Variants in SLC45A1 observed in about 807,000 individuals in gnomAD.
SLC45A1 encodes solute carrier family 45 member 1.
In SLC45A1, 28 loss-of-function variants were observed where a neutral mutation model predicts 57.6. The observed-to-expected ratio is 0.49, with a 90% confidence interval of 0.36 to 0.67. SLC45A1 has a LOEUF of 0.67. SLC45A1 is among the 30% of genes least tolerant of loss of function. The pLI is 0.00. For synonymous variants in SLC45A1, 459 were observed against 471.5 expected (o/e 0.97, Z 0.34); for missense variants, 814 against 1,041.5 (o/e 0.78, Z 3.01).
chr1:8,343,899 C>G lies in SLC45A1; in HGVS notation c.2133C>G (p.Phe711Leu), dbSNP rs1300401134. ...AVGSANGVMY[F>L]SSLVSFLGCL... ...GCAGTGCCAACGGGGTGATGTACTTCTCCAGCCTCGTGTCCTTCCTGGGCT... is the reference window on the plus strand; with the variant it reads ...GCAGTGCCAACGGGGTGATGTACTTGTCCAGCCTCGTGTCCTTCCTGGGCT... The change falls in exon 9 of 9, where the codon TTC becomes TTG. Residue 711 changes from phenylalanine (F) to leucine (L), a missense_variant. Transcript: ENST00000471889. The surrounding 1 kb of genome is among the most constrained non-coding windows in gnomAD (Gnocchi z 7.7). 2 of 1,614,062 alleles carry G rather than the reference C, an allele frequency of 1.2e-6. No homozygotes were observed. Among genetic ancestry groups the G allele is most frequent in the East Asian group, 2.2e-5 (1 of 44,878 alleles).
chr1:8,322,182 G>T (rs1331062674), intron 1 of SLC45A1, among the ~76,000 whole-genome samples: 1 of 65,166 alleles, frequency 1.5e-5, no homozygotes, highest in Non-Finnish European at 3.4e-5. Flanking sequence ...TGGGTGGGTG[G>T]ATGGATGGAT....
intron 7 of SLC45A1, among the ~76,000 whole-genome samples, chr1:8,339,141 A>G (rs1269733308): frequency 2.6e-5 from 4 of 152,168 alleles, no homozygotes; most frequent in Non-Finnish European, 5.9e-5. Context: ...ACACAAGAAC[A>G]CAGAGGTTTA....
chr1:8,325,380 C>G lies in SLC45A1; in HGVS notation c.480C>G (p.Val160=), dbSNP rs763108068. Residue 160 remains valine, a synonymous_variant, in exon 3 of 9, where the codon GTC becomes GTG. Transcript: ENST00000471889. The surrounding 1 kb of genome is among the most constrained non-coding windows in gnomAD (Gnocchi z 6.3). The stretch of plus-strand genomic sequence containing the variant: ...GAAGGAGACGCCCTTTCATTCTTGT[C>G]CTGGCTATAGGTCTGTTGTTTTGGC... ...RFGRRRPFIL[V]LAIGALLGLS... is the part of the protein sequence containing the mutation. 1.2e-5 allele frequency: 20 copies of G among 1,608,320 alleles called. No individual in the cohort carries two copies. Among genetic ancestry groups the G allele is most frequent in the Non-Finnish European group, 1.7e-5 (20 of 1,175,246 alleles).
rs188992574 is a variant in SLC45A1, at chr1:8,329,132, G to A, written c.716-1077G>A. ...AAAGGAAGATCTACAGTGAAACCTC[G>A]AAATAATGAGATCCATGGTCATACG... is the stretch of plus-strand genomic sequence containing the variant. On this transcript the variant is annotated intron_variant, in intron 4 of 8. Coordinates refer to ENST00000471889, the MANE Select transcript of SLC45A1 (RefSeq NM_001080397.3). Among the ~76,000 whole-genome samples the A allele has an allele frequency of 1.1e-4, 16 of 152,292 alleles. No homozygotes were observed. The East Asian group carries it at 2.7e-3, about 26-fold the overall frequency.
rs532798923 is a variant in SLC45A1 at position 8,324,659 on chromosome 1, G to A, written c.330G>A (p.Pro110=). ...CCATGGAGACGGCGTACGTGACCCC[G>A]GTGCTCCTGCAGATGGGCCTGCCCG... ...SYAMETAYVT[P]VLLQMGLPDQ... is the part of the protein sequence containing the mutation. Residue 110 remains proline, a synonymous_variant, in exon 2 of 9, where the codon CCG becomes CCA. Transcript: ENST00000471889. The A allele has an allele frequency of 7.5e-6, 12 of 1,599,414 alleles. No individual in the cohort carries two copies. The highest frequency in any genetic ancestry group is 2.7e-5 in the African/African-American group (2 of 74,638).
chr1:8,320,730 CACA>C (rs1639986537), intron 1 of SLC45A1, among the ~76,000 whole-genome samples: 2 of 132,266 alleles, frequency 1.5e-5, no homozygotes, highest in Non-Finnish European at 1.6e-5. Flanking sequence ...CACACACACA[CACA>C]CCTGCCATAT....
intron 5 of SLC45A1, among the ~76,000 whole-genome samples, chr1:8,332,105 A>G (rs551891536): frequency 6.6e-6 from 1 of 152,242 alleles, no homozygotes; most frequent in East Asian, 1.9e-4. Context: ...AACTCTTTTA[A>G]ACACTTACGT....
chr1:8,337,379 C>G (rs1640647660), intron 6 of SLC45A1, among the ~76,000 whole-genome samples: 2 of 152,206 alleles, frequency 1.3e-5, no homozygotes, highest in African/African-American at 4.8e-5. Context: ...TGGGTGGGGA[C>G]ACAGCCAAAC....
In SLC45A1 at chr1:8,327,436, C is replaced by T. The variant is rs183204502; in HGVS notation, c.715+1394C>T. 1.2e-4 allele frequency among the ~76,000 whole-genome samples: 18 copies of T among 152,244 alleles called. 1 individual carries two copies. Among genetic ancestry groups the T allele is most frequent in the Admixed American group, 7.8e-4 (12 of 15,296 alleles). On this transcript the variant is annotated intron_variant, in intron 4 of 8. Coordinates refer to ENST00000471889, the MANE Select transcript of SLC45A1 (RefSeq NM_001080397.3). This position sits in a 1 kb window ranked among gnomAD's most constrained non-coding sequence, Gnocchi z 4.3. ...AGCCCCACTGGTCTCTGGGGCTGGACGTATGGAAACTTCAAGAGAATTAGC... is the reference window on the plus strand; with the variant it reads ...AGCCCCACTGGTCTCTGGGGCTGGATGTATGGAAACTTCAAGAGAATTAGC...
intron 8 of SLC45A1, among the ~76,000 whole-genome samples, chr1:8,341,161 C>A (rs1364324264): frequency 1.3e-5 from 2 of 148,566 alleles, no homozygotes; most frequent in Non-Finnish European, 3.0e-5. Flanking sequence ...GATGGTGCCA[C>A]CGCACTCCAG....
chr1:8,336,806 T>C (rs1003457330), intron 6 of SLC45A1, among the ~76,000 whole-genome samples: 4 of 152,212 alleles, frequency 2.6e-5, no homozygotes, highest in African/African-American at 9.6e-5. Flanking sequence ...AGAGGGCCTA[T>C]AAATACCACC....
At chr1:8,318,272 G>A (rs993130200) in intron 1 of SLC45A1, 86 bp downstream of exon 1, 5 of 407,232 alleles carry the variant, frequency 1.2e-5, no homozygotes, top group African/African-American at 2.1e-5. Flanking sequence ...GGGTAGTCAG[G>A]GCGCCGAGAC....
chr1:8,330,214 G>T lies in SLC45A1; in HGVS notation c.721G>T (p.Gly241Ter). 6.2e-7 allele frequency: 1 copy of T among 1,613,054 alleles called. No individual in the cohort carries two copies. Among genetic ancestry groups the T allele is most frequent in the Non-Finnish European group, 8.5e-7 (1 of 1,179,392 alleles). Residue 241 changes from glycine (G) to a stop codon, truncating the protein, a stop_gained, in exon 5 of 9, where the codon GGA (glycine) becomes TGA (stop). Coordinates refer to ENST00000471889, the MANE Select transcript of SLC45A1 (RefSeq NM_001080397.3). LOFTEE classifies it high-confidence loss of function. This position sits in a 1 kb window ranked among gnomAD's most constrained non-coding sequence, Gnocchi z 8.4. ...LNIHALLAGL[G>*]GGFGYVVGGI... ...AACCCTGTCTCTTTCCCCAGGTCTC[G>T]GAGGAGGCTTTGGATACGTGGTCGG...
chr1:8,323,918 C>T (rs533822048), intron 1 of SLC45A1, among the ~76,000 whole-genome samples: 2 of 152,322 alleles, frequency 1.3e-5, no homozygotes, highest in South Asian at 4.1e-4. Context: ...CTGGGACCTT[C>T]AGGGAAGGGC....
rs757872092 is a variant in SLC45A1 at position 8,344,042 on chromosome 1, GCCTGCA to G, written c.*34_*39del. ...CGCGGAGCCTCGACTCCGGACACGCGCCTGCACCTGGGGGTCTGGAGCAGGCCGACC... is the reference window on the plus strand; with the variant it reads ...CGCGGAGCCTCGACTCCGGACACGCGCCTGGGGGTCTGGAGCAGGCCGACC... On this transcript the variant is annotated 3_prime_UTR_variant, in exon 9 of 9. Transcript: ENST00000471889. 5 of 1,581,022 alleles carry G rather than the reference GCCTGCA, an allele frequency of 3.2e-6. No individual in the cohort carries two copies. Among genetic ancestry groups the G allele is most frequent in the Non-Finnish European group, 1.7e-6 (2 of 1,161,726 alleles).
At position 8,335,417 on chromosome 1, in the gene SLC45A1, G is replaced by T; in HGVS notation, c.1444-20G>T. On this transcript the variant is annotated intron_variant, in intron 5 of 8. Transcript: ENST00000471889. This position sits in a 1 kb window ranked among gnomAD's most constrained non-coding sequence, Gnocchi z 4.1. ...ATGGGGGTGCGGGGCTCTGATGAGG[G>T]GTTTGTGGGCTCTTCCCAGGTGGCC... The T allele has an allele frequency of 6.4e-7, 1 of 1,571,792 alleles. No individual in the cohort carries two copies.
rs780309542 is a variant in SLC45A1, at chr1:8,324,554, C to T, written c.225C>T (p.Phe75=). 2.7e-5 allele frequency: 40 copies of T among 1,471,666 alleles called. No individual in the cohort carries two copies. The South Asian group carries it at 3.0e-4, about 11-fold the overall frequency. The allele number at this position is 1,471,666 out of a possible 1,614,324, so 91.2% of individuals were successfully genotyped here. ...CGTGCCCGCTTGAGCTGGTGGACTT[C>T]GGGGACCTGCACCCCCAGAGGTCCT... is the stretch of plus-strand genomic sequence containing the variant. ...NTPCPLELVD[F]GDLHPQRSFR... is the part of the protein sequence containing the mutation. The change falls in exon 2 of 9, where the codon TTC becomes TTT. Residue 75 remains phenylalanine, a synonymous_variant. Transcript: ENST00000471889.
chr1:8,338,774 A>G (rs12038661), intron 7 of SLC45A1, among the ~76,000 whole-genome samples: 37,837 of 152,178 alleles, frequency 0.25, 5,524 homozygotes, highest in East Asian at 0.66. Context: ...GGTTTTTTAA[A>G]TTAATTTTTT....
rs773431596 is a variant in SLC45A1, at chr1:8,335,559, G to C, written c.1566G>C (p.Ala522=). ...LCSTICNMPK[A]LRTLCVNHFL... Reference sequence around the variant, plus strand: ...CCACCATCTGCAACATGCCCAAGGCGCTACGCACCCTCTGCGTCAACCACT... The same window carrying C: ...CCACCATCTGCAACATGCCCAAGGCCCTACGCACCCTCTGCGTCAACCACT... The change falls in exon 6 of 9, where the codon GCG becomes GCC. Residue 522 remains alanine (A), a synonymous_variant. Coordinates refer to ENST00000471889, the MANE Select transcript of SLC45A1 (RefSeq NM_001080397.3). The surrounding 1 kb of genome is among the most constrained non-coding windows in gnomAD (Gnocchi z 4.1). The C allele has an allele frequency of 6.2e-7, 1 of 1,606,276 alleles. No homozygotes were observed. The highest frequency in any genetic ancestry group is 1.7e-5 in the Admixed American group (1 of 59,870).
Sources: gnomAD v4.1 joint callset for allele counts (sites outside exome capture counted in the v4.1 genomes callset) on GRCh38, gnomAD v4.1.1 for gene constraint, Gnocchi (gnomAD v3.1) non-coding constraint, MANE v1.5 for transcripts, NCBI Gene and HGNC (gene_info 2026-07-23, HGNC 2026-07-21) for gene names.